Variants in ASZ1 observed in about 807,000 individuals in gnomAD.
The protein encoded by ASZ1 is ankyrin repeat, SAM and basic leucine zipper domain containing 1.
A neutral mutation model predicts 61.8 loss-of-function variants in ASZ1; 67 were observed. That is an observed-to-expected ratio of 1.08 (90% CI 0.89 to 1.33). The LOEUF is 1.33. Ranked by LOEUF, ASZ1 falls within the 40% of genes most tolerant of loss-of-function variation. The pLI, the probability that ASZ1 is intolerant of heterozygous loss-of-function variation, is 0.00. For synonymous variants in ASZ1, 193 were observed against 192.7 expected, an observed-to-expected ratio of 1.00 and a Z score of -0.01; for missense variants, 577 against 554.5, an observed-to-expected ratio of 1.04 and a Z score of -0.41.
rs1212471010 is a variant in ASZ1, at chr7:117,401,185, T to TAAGA, written c.441-15380_441-15377dup. Among the ~76,000 whole-genome samples the TAAGA allele has an allele frequency of 2.0e-5, 3 of 152,028 alleles. No individual in the cohort carries two copies. In the East Asian group the frequency reaches 5.8e-4, roughly 29 times the overall value. The stretch of plus-strand genomic sequence containing the variant: ...AGAAGATAAAGGAAGAAAAGAGTGT[T>TAAGA]AAGAAACAAATGGGATATAGATGTA... On this transcript the variant is annotated intron_variant, in intron 4 of 12. Coordinates refer to ENST00000284629, the MANE Select transcript of ASZ1 (RefSeq NM_130768.3).
At chr7:117,368,240 C>A in intron 11 of ASZ1, 4 of 974,054 alleles carry the variant, frequency 4.1e-6, no homozygotes, top group Non-Finnish European at 4.9e-6. Context: ...TACACTCTTC[C>A]TATTCTAAAT....
chr7:117,384,805 TCAAGCAACTTCAAAA>T lies in ASZ1; in HGVS notation c.593_607del (p.Val198_Leu202del). On this transcript the variant is annotated inframe_deletion, in exon 6 of 13. Transcript: ENST00000284629. Reference sequence around the variant, plus strand: ...TTGTAGCATTTTATTAGCTCCAAGTTCAAGCAACTTCAAAACTATATTTTTATGACCCTGACGTGC... The same window carrying T: ...TTGTAGCATTTTATTAGCTCCAAGTTCTATATTTTTATGACCCTGACGTGC... 1 of 1,610,036 alleles carries T rather than the reference TCAAGCAACTTCAAAA, an allele frequency of 6.2e-7. No individual in the cohort carries two copies. The highest frequency in any genetic ancestry group is 8.5e-7 in the Non-Finnish European group (1 of 1,178,574).
intron 4 of ASZ1, among the ~76,000 whole-genome samples, chr7:117,397,059 C>A (rs1322250635): frequency 2.0e-5 from 3 of 151,156 alleles, no homozygotes; most frequent in African/African-American, 7.3e-5. Flanking sequence ...AATTTAATAA[C>A]AATAATTAAA....
At chr7:117,367,571 G>T in intron 11 of ASZ1, 106 bp from the exon 12 acceptor site, 1 of 1,197,090 alleles carries the variant, frequency 8.4e-7, no homozygotes, top group Non-Finnish European at 1.1e-6. Context: ...TTACATAATT[G>T]AAAGGCATTT....
chr7:117,370,792 G>T (rs532357536), intron 10 of ASZ1, among the ~76,000 whole-genome samples: 2 of 147,154 alleles, frequency 1.4e-5, no homozygotes, highest in East Asian at 2.0e-4. Context: ...ACTATTATTG[G>T]ACCAAAGGTA....
At chr7:117,399,056 C>CT (rs1229886837) in intron 4 of ASZ1, among the ~76,000 whole-genome samples, 5 of 152,028 alleles carry the variant, frequency 3.3e-5, no homozygotes, top group Non-Finnish European at 7.4e-5. Flanking sequence ...TAGTGAGACT[C>CT]TGTCTTTACA....
intron 6 of ASZ1, 122 bp downstream of exon 6, chr7:117,384,604 C>G (rs566109818): frequency 1.7e-6 from 2 of 1,164,206 alleles, no homozygotes; most frequent in Non-Finnish European, 2.3e-6. Flanking sequence ...CATATTTAAA[C>G]ATTTAATAAT....
intron 4 of ASZ1, among the ~76,000 whole-genome samples, chr7:117,394,781 T>C (rs1796546718): frequency 6.6e-6 from 1 of 152,228 alleles, no homozygotes; most frequent in Non-Finnish European, 1.5e-5. Context: ...TCTAGTCCAC[T>C]ACTCAGCTCT....
intron 2 of ASZ1, among the ~76,000 whole-genome samples, chr7:117,425,268 T>C (rs965438280): frequency 9.0e-4 from 120 of 133,116 alleles, no homozygotes; most frequent in Admixed American, 3.3e-3. Context: ...TCTTTTTTTT[T>C]TTTTTTTTTT....
chr7:117,424,965 A>C (rs1342603549), intron 2 of ASZ1, among the ~76,000 whole-genome samples: 1 of 152,174 alleles, frequency 6.6e-6, no homozygotes, highest in African/African-American at 2.4e-5. Context: ...TGATATAATA[A>C]TCCTCATTTT....
intron 4 of ASZ1, among the ~76,000 whole-genome samples, chr7:117,414,965 C>A (rs1796962314): frequency 6.6e-6 from 1 of 152,066 alleles, no homozygotes; most frequent in Non-Finnish European, 1.5e-5. Context: ...GTCTTTATAG[C>A]AGAATAATTT....
intron 10 of ASZ1, among the ~76,000 whole-genome samples, chr7:117,371,844 T>G (rs1796056335): frequency 6.6e-6 from 1 of 152,188 alleles, no homozygotes. Flanking sequence ...TATGTAATTT[T>G]AGACAGGTGA....
intron 1 of ASZ1, 21 bp from the exon 2 acceptor site, chr7:117,426,956 A>G (rs1797231296): frequency 1.3e-6 from 2 of 1,573,348 alleles, no homozygotes; most frequent in Middle Eastern, 1.7e-4. Context: ...AAACATTTTA[A>G]AAAATTCTTG....
intron 10 of ASZ1, among the ~76,000 whole-genome samples, chr7:117,373,438 G>C (rs1796083477): frequency 6.6e-6 from 1 of 152,120 alleles, no homozygotes; most frequent in Admixed American, 6.6e-5. Context: ...GTGTGTGTAT[G>C]CATTGTTGTA....
At chr7:117,400,908 G>A (rs1460949030) in intron 4 of ASZ1, among the ~76,000 whole-genome samples, 5 of 152,122 alleles carry the variant, frequency 3.3e-5, no homozygotes, top group South Asian at 2.1e-4. Flanking sequence ...TTTAATTGAC[G>A]TGATCTGCCC....
chr7:117,368,544 T>C, intron 11 of ASZ1, 68 bp downstream of exon 11: 2 of 1,566,814 alleles, frequency 1.3e-6, no homozygotes, highest in Non-Finnish European at 1.7e-6. Context: ...TATTGAATTA[T>C]CATGAACTTA....
chr7:117,422,124 G>T, intron 3 of ASZ1, 113 bp downstream of exon 3: 1 of 1,159,080 alleles, frequency 8.6e-7, no homozygotes, highest in Non-Finnish European at 1.2e-6. Flanking sequence ...ATAGTATAAT[G>T]AATAGAAAGG....
chr7:117,379,168 T>TATATATATATATAC (rs1161457624), intron 10 of ASZ1, among the ~76,000 whole-genome samples: 4 of 69,722 alleles, frequency 5.7e-5, no homozygotes, highest in East Asian at 4.9e-4. Context: ...TATATATATA[T>TATATATATATATAC]ACACACACAC....
intron 4 of ASZ1, among the ~76,000 whole-genome samples, chr7:117,403,762 C>T (rs567593067): frequency 2.0e-5 from 3 of 152,216 alleles, no homozygotes; most frequent in African/African-American, 7.2e-5. Flanking sequence ...GGGTCCCCAA[C>T]CCCCAGGCAG....
Sources: allele counts gnomAD v4.1 joint callset (sites outside exome capture counted in the v4.1 genomes callset), GRCh38; gene constraint gnomAD v4.1.1; transcripts MANE v1.5; gene names NCBI Gene and HGNC (gene_info 2026-07-23, HGNC 2026-07-21).